BARX2: variants seen among roughly 807,000 people sequenced by gnomAD.
BARX2 encodes the protein homeobox protein BarH-like 2.
In BARX2, 11 loss-of-function variants were observed where a neutral mutation model predicts 25.5. The ratio of observed to expected loss-of-function variants is 0.43; its 90% CI spans 0.27 to 0.71. The LOEUF (loss-of-function observed/expected upper bound fraction) is 0.71, where lower values mean the gene tolerates loss of function less well. Among genes scored for constraint, BARX2 ranks in the 30% least tolerant of loss-of-function variants. The pLI, the probability that BARX2 is intolerant of heterozygous loss-of-function variation, is 0.19. For synonymous variants in BARX2, 137 were observed against 149.5 expected (o/e 0.92, Z 0.61); for missense variants, 360 against 359.9 (o/e 1.00, Z 0.00).
intron 1 of BARX2, among the ~76,000 whole-genome samples, chr11:129,418,683 T>G: frequency 6.6e-6 from 1 of 152,198 alleles, no homozygotes; most frequent in African/African-American, 2.4e-5. Flanking sequence ...TCCTTTATAC[T>G]GCCTTTTTCT....
chr11:129,402,858 C>T (rs1861791838), intron 1 of BARX2, among the ~76,000 whole-genome samples: 1 of 152,206 alleles, frequency 6.6e-6, no homozygotes, highest in African/African-American at 2.4e-5. Flanking sequence ...AACAAAAACC[C>T]TGGGAGTCCT....
chr11:129,398,889 C>T (rs1861748615), intron 1 of BARX2, among the ~76,000 whole-genome samples: 5 of 152,190 alleles, frequency 3.3e-5, no homozygotes, highest in East Asian at 1.9e-4. Context: ...AAGGGATCTA[C>T]GTGGCTGTGT....
At chr11:129,423,718 C>A (rs1010061763) in intron 1 of BARX2, among the ~76,000 whole-genome samples, 1 of 152,176 alleles carries the variant, frequency 6.6e-6, no homozygotes, top group Non-Finnish European at 1.5e-5. Flanking sequence ...TTTTACTAGT[C>A]CTGTACTCTC....
rs1861500749 is a variant in BARX2 at position 129,376,109 on chromosome 11, T to A, written c.74T>A (p.Phe25Tyr). Residue 25 changes from phenylalanine (F) to tyrosine (Y), a missense_variant, in exon 1 of 4, where the codon TTC becomes TAC. Coordinates refer to ENST00000281437, the MANE Select transcript of BARX2 (RefSeq NM_003658.5). The surrounding 1 kb of genome is among the most constrained non-coding windows in gnomAD (Gnocchi z 4.2). ...LKAARRRYKT[F>Y]MIDEILSKET... ...GCAGCCAGGCGGCGCTACAAGACTT[T>A]CATGATCGACGAGATCCTCTCCAAG... The A allele has an allele frequency of 3.1e-6, 5 of 1,613,162 alleles. No individual in the cohort carries two copies. The highest frequency in any genetic ancestry group is 4.2e-6 in the Non-Finnish European group (5 of 1,179,634).
rs1400751036 is a variant in BARX2, at chr11:129,436,044, G to A, written c.188-707G>A. 3 of 152,206 alleles carry A rather than the reference G, an allele frequency of 2.0e-5. No homozygotes were observed. Among genetic ancestry groups the A allele is most frequent in the African/African-American group, 7.2e-5 (3 of 41,460 alleles). The allele number at this position is 152,206 out of a possible 1,614,324, so 9.4% of individuals were successfully genotyped here. On this transcript the variant is annotated intron_variant, in intron 1 of 3. Coordinates refer to ENST00000281437, the MANE Select transcript of BARX2 (RefSeq NM_003658.5). This position sits in a 1 kb window ranked among gnomAD's most constrained non-coding sequence, Gnocchi z 4.5. The stretch of plus-strand genomic sequence containing the variant: ...GTCATACCGATCTGAGCTTTCATGT[G>A]ATTTAAAATCTGTTTGCCTCCCTCT...
chr11:129,409,751 T>C (rs1861867862), intron 1 of BARX2, among the ~76,000 whole-genome samples: 2 of 152,366 alleles, frequency 1.3e-5, no homozygotes, highest in South Asian at 4.1e-4. Flanking sequence ...TTCCTGAAAC[T>C]TTAAAATGAT....
intron 1 of BARX2, among the ~76,000 whole-genome samples, chr11:129,385,496 A>G (rs151080185): frequency 1.3e-5 from 2 of 152,238 alleles, no homozygotes; most frequent in African/African-American, 4.8e-5. Flanking sequence ...TTGTATTAAT[A>G]TGGATACATT....
chr11:129,402,041 T>TA (rs1185484274), intron 1 of BARX2, among the ~76,000 whole-genome samples: 2 of 130,856 alleles, frequency 1.5e-5, no homozygotes, highest in Admixed American at 1.5e-4. Context: ...TCAGATAAAA[T>TA]AAATATGCAA....
At chr11:129,425,398 G>A (rs574954679) in intron 1 of BARX2, among the ~76,000 whole-genome samples, 41 of 152,308 alleles carry the variant, frequency 2.7e-4, no homozygotes, top group Middle Eastern at 3.4e-3. Context: ...GCAGCTTTCC[G>A]TCAGGGAGTG....
intron 1 of BARX2, among the ~76,000 whole-genome samples, chr11:129,435,150 C>A (rs1447608033): frequency 6.6e-6 from 1 of 152,176 alleles, no homozygotes. Flanking sequence ...GCTGTGAGAT[C>A]CAAACCACAA....
At chr11:129,405,608 T>C (rs953592054) in intron 1 of BARX2, among the ~76,000 whole-genome samples, 1 of 152,306 alleles carries the variant, frequency 6.6e-6, no homozygotes, top group Middle Eastern at 3.4e-3. Context: ...ATAGATAAAA[T>C]GTGATTGTTT....
intron 3 of BARX2, among the ~76,000 whole-genome samples, chr11:129,449,122 T>C (rs990751076): frequency 2.0e-5 from 3 of 152,174 alleles, no homozygotes; most frequent in Admixed American, 1.3e-4. Context: ...GAAAATTGCA[T>C]TGTGGTGATA....
intron 1 of BARX2, among the ~76,000 whole-genome samples, chr11:129,405,969 T>C (rs551179168): frequency 6.6e-6 from 1 of 152,366 alleles, no homozygotes; most frequent in African/African-American, 2.4e-5. Flanking sequence ...TTTAAGTGAT[T>C]GTCTTGCTTT....
intron 1 of BARX2, among the ~76,000 whole-genome samples, chr11:129,378,761 G>GA (rs199767231): frequency 1.5e-5 from 2 of 132,918 alleles, no homozygotes; most frequent in East Asian, 2.2e-4. Flanking sequence ...AAAACTAAGA[G>GA]AAAAAAAAGG....
chr11:129,449,957 C>T (rs1055762467), intron 3 of BARX2, among the ~76,000 whole-genome samples: 5 of 152,084 alleles, frequency 3.3e-5, no homozygotes, highest in African/African-American at 7.2e-5. Flanking sequence ...AGAAGGAGGG[C>T]GGATGGTATA....
chr11:129,446,465 TTG>T (rs1862330333), intron 3 of BARX2, among the ~76,000 whole-genome samples: 1 of 152,194 alleles, frequency 6.6e-6, no homozygotes, highest in African/African-American at 2.4e-5. Flanking sequence ...CCTTGTAGGG[TTG>T]TGTTATTAAC....
intron 1 of BARX2, among the ~76,000 whole-genome samples, chr11:129,421,390 G>A (rs562107145): frequency 6.6e-6 from 1 of 152,178 alleles, no homozygotes; most frequent in Non-Finnish European, 1.5e-5. Flanking sequence ...ATCAAACACA[G>A]AGCTTCCCTT....
chr11:129,399,483 T>C lies in BARX2; in HGVS notation c.187+23261T>C, dbSNP rs146477784. On this transcript the variant is annotated intron_variant, in intron 1 of 3. Transcript: ENST00000281437. ...CCCAAGCAATCCTCCTGTCTCAGCC[T>C]CTCCAGCAGCTAGGATTGACACAGG... is the stretch of plus-strand genomic sequence containing the variant. Among the ~76,000 whole-genome samples the C allele has an allele frequency of 8.5e-5, 13 of 152,238 alleles. No individual in the cohort carries two copies. In the East Asian group the frequency reaches 1.6e-3, roughly 18 times the overall value.
intron 1 of BARX2, among the ~76,000 whole-genome samples, chr11:129,407,333 G>A (rs1861841472): frequency 1.3e-5 from 2 of 152,210 alleles, no homozygotes; most frequent in Admixed American, 1.3e-4. Context: ...GATACAAGTT[G>A]AAGAAGACAC....
Sources: gnomAD v4.1 joint callset for allele counts (sites outside exome capture counted in the v4.1 genomes callset) on GRCh38, gnomAD v4.1.1 for gene constraint, Gnocchi (gnomAD v3.1) non-coding constraint, MANE v1.5 for transcripts, NCBI Gene and HGNC (gene_info 2026-07-23, HGNC 2026-07-21) for gene names.